HP1BP3: variants seen among roughly 807,000 people sequenced by gnomAD.
HP1BP3 encodes the protein heterochromatin protein 1 binding protein 3, also known as heterochromatin protein 1-binding protein 3.
In HP1BP3, 12 loss-of-function variants were observed where a neutral mutation model predicts 62.5. That is an observed-to-expected ratio of 0.19 (90% confidence interval 0.12 to 0.31). The LOEUF is 0.31. HP1BP3 is among the 10% of genes least tolerant of loss of function. The pLI is 1.00. For synonymous variants in HP1BP3, 260 were observed against 237.8 expected (o/e 1.09, Z -0.86); for missense variants, 502 against 651.8 (o/e 0.77, Z 2.50).
intron 9 of HP1BP3, among the ~76,000 whole-genome samples, chr1:20,751,241 C>T (rs895858806): frequency 2.2e-4 from 34 of 151,752 alleles, no homozygotes; most frequent in African/African-American, 8.0e-4. Context: ...GTAAGGCTTC[C>T]GGTCAACAGT....
At chr1:20,782,410 T>C (rs1330758180) in intron 1 of HP1BP3, among the ~76,000 whole-genome samples, 1 of 149,272 alleles carries the variant, frequency 6.7e-6, no homozygotes, top group Non-Finnish European at 1.5e-5. Context: ...ACAGACGTTG[T>C]CTCTAAAAAA....
intron 11 of HP1BP3, among the ~76,000 whole-genome samples, chr1:20,746,501 GC>G (rs1197499478): frequency 1.3e-5 from 2 of 152,156 alleles, no homozygotes; most frequent in African/African-American, 4.8e-5. Flanking sequence ...CAATAGTCTT[GC>G]TAAAACAGGG....
intron 11 of HP1BP3, among the ~76,000 whole-genome samples, chr1:20,747,067 T>G (rs1391293368): frequency 3.3e-5 from 5 of 152,202 alleles, no homozygotes; most frequent in Non-Finnish European, 7.3e-5. Context: ...GTCATTATCA[T>G]TTACTTGATA....
At chr1:20,783,059 C>A (rs1442580941) in intron 1 of HP1BP3, among the ~76,000 whole-genome samples, 2 of 151,946 alleles carry the variant, frequency 1.3e-5, no homozygotes, top group African/African-American at 4.8e-5. Context: ...CTACAGTGAG[C>A]TAGAATTGCA....
At chr1:20,745,789 G>GT in intron 11 of HP1BP3, 133 bp from the exon 12 acceptor site, 1 of 814,058 alleles carries the variant, frequency 1.2e-6, no homozygotes, top group South Asian at 2.0e-5. Context: ...TAGGTTACAC[G>GT]TATCAGGTTA....
rs533412869 is a variant in HP1BP3 at position 20,741,842 on chromosome 1, G to T, written c.*2955C>A. Among the ~76,000 whole-genome samples, 3 of 152,312 alleles carry T rather than the reference G, an allele frequency of 2.0e-5. No individual in the cohort carries two copies. The East Asian group carries it at 5.8e-4, about 29-fold the overall frequency. ...ATTTCTGGGATTACCTCTGGGGTTT[G>T]TTGTTCCCCTTTCTGAACATGGAAG... On this transcript the variant is annotated 3_prime_UTR_variant, in exon 13 of 13. Transcript: ENST00000438032.
chr1:20,755,958 G>GACAGA (rs1397884505), intron 9 of HP1BP3, among the ~76,000 whole-genome samples: 5 of 152,182 alleles, frequency 3.3e-5, no homozygotes, highest in Non-Finnish European at 7.3e-5. Context: ...TCTGCAGAGA[G>GACAGA]ACAGAACAGA....
At chr1:20,754,297 CA>C (rs1009693918) in intron 9 of HP1BP3, among the ~76,000 whole-genome samples, 7 of 151,818 alleles carry the variant, frequency 4.6e-5, no homozygotes, top group South Asian at 2.1e-4. Context: ...ATAAATTTAA[CA>C]AAAAAAATTC....
At chr1:20,784,728 A>G (rs1162849477) in intron 1 of HP1BP3, among the ~76,000 whole-genome samples, 2 of 152,084 alleles carry the variant, frequency 1.3e-5, no homozygotes, top group Non-Finnish European at 2.9e-5. Context: ...CGCCCACCTC[A>G]GCCTCCCAAA....
chr1:20,774,013 T>G (rs1382991730), intron 4 of HP1BP3: 2 of 153,680 alleles, frequency 1.3e-5, no homozygotes, highest in Non-Finnish European at 2.9e-5. Context: ...GCTAGCTATA[T>G]GATCTTAGTA....
intron 1 of HP1BP3, among the ~76,000 whole-genome samples, chr1:20,785,692 G>GT (rs1356983387): frequency 6.6e-6 from 1 of 152,114 alleles, no homozygotes; most frequent in Non-Finnish European, 1.5e-5. Context: ...GAAATGAAGA[G>GT]TTCAGTATAC....
rs1318151300 is a variant in HP1BP3, at chr1:20,780,458, C to A, written c.-18G>T. The A allele has an allele frequency of 1.3e-6, 2 of 1,557,688 alleles. No homozygotes were observed. Among genetic ancestry groups the A allele is most frequent in the Non-Finnish European group, 1.8e-6 (2 of 1,128,672 alleles). On this transcript the variant is annotated 5_prime_UTR_variant, in exon 2 of 13. Coordinates refer to ENST00000438032, the MANE Select transcript of HP1BP3 (RefSeq NM_001372052.1). ...GTCGCCATTTTAAATAATTTCTAGG[C>A]CCGAGTACAGGTTACACTCTGAAGC...
chr1:20,762,601 G>C (rs1236598815), intron 8 of HP1BP3, among the ~76,000 whole-genome samples: 1 of 152,146 alleles, frequency 6.6e-6, no homozygotes, highest in Non-Finnish European at 1.5e-5. Context: ...ATGCATATCT[G>C]ATTGCCTCCT....
intron 7 of HP1BP3, among the ~76,000 whole-genome samples, chr1:20,766,680 C>T (rs1310293474): frequency 1.3e-5 from 2 of 152,318 alleles, no homozygotes; most frequent in African/African-American, 4.8e-5. Flanking sequence ...TGGTTCACAT[C>T]TATCATCCCA....
chr1:20,757,293 C>A lies in HP1BP3; in HGVS notation c.891-37G>T, dbSNP rs367694101. On this transcript the variant is annotated intron_variant, in intron 8 of 12. Coordinates refer to ENST00000438032, the MANE Select transcript of HP1BP3 (RefSeq NM_001372052.1). The stretch of plus-strand genomic sequence containing the variant: ...AACAAAAAAAAAATAGTGATAAATA[C>A]ATTAATGAAAGAAAAATGTAAAGAA... The A allele has an allele frequency of 9.7e-4, 1,263 of 1,298,584 alleles. 11 individuals are homozygous for A. The South Asian group carries it at 0.01, about 11-fold the overall frequency. 80.4% of individuals were successfully genotyped at this position (1,298,584 alleles called of 1,614,324 possible). A position where few individuals can be genotyped will look rare whatever the true frequency, so the allele number is the denominator to read the frequency against.
At chr1:20,778,087 C>T (rs984157174) in intron 3 of HP1BP3, among the ~76,000 whole-genome samples, 1 of 152,206 alleles carries the variant, frequency 6.6e-6, no homozygotes. Context: ...TGTTTATTTA[C>T]ACTTTGTCTT....
chr1:20,773,824 C>T, intron 4 of HP1BP3: 1 of 378,634 alleles, frequency 2.6e-6, no homozygotes, highest in East Asian at 4.2e-5. Flanking sequence ...CTCTTAGCTG[C>T]AGGAGAAAGG....
chr1:20,756,746 C>T (rs144502501), intron 9 of HP1BP3, among the ~76,000 whole-genome samples: 2 of 152,220 alleles, frequency 1.3e-5, no homozygotes, highest in South Asian at 2.1e-4. Context: ...GATGGCATCT[C>T]GCTCTGTCAC....
chr1:20,784,765 C>T (rs1053788896), intron 1 of HP1BP3, among the ~76,000 whole-genome samples: 5 of 152,122 alleles, frequency 3.3e-5, no homozygotes, highest in African/African-American at 9.7e-5. Flanking sequence ...CGTGAGCCAC[C>T]GTGCCCGGCC....
Sources: gnomAD v4.1 joint callset for allele counts (sites outside exome capture counted in the v4.1 genomes callset) on GRCh38, gnomAD v4.1.1 for gene constraint, MANE v1.5 for transcripts, NCBI Gene and HGNC (gene_info 2026-07-23, HGNC 2026-07-21) for gene names.